Variants in PRKN observed in about 807,000 individuals in gnomAD.
The protein encoded by PRKN is E3 ubiquitin-protein ligase parkin.
A neutral mutation model predicts 59.5 loss-of-function variants in PRKN; 56 were observed. The ratio of observed to expected loss-of-function variants is 0.94; its 90% CI spans 0.76 to 1.18. The LOEUF (loss-of-function observed/expected upper bound fraction) is 1.18. Ranked by LOEUF, PRKN falls within the 50% of genes most tolerant of loss-of-function variation. The pLI, the probability that PRKN is intolerant of heterozygous loss-of-function variation, is 0.00. For missense variants in PRKN, 657 were observed against 596.4 expected, an observed-to-expected ratio of 1.10 and a Z score of -1.06; for synonymous variants, 250 against 222.1, an observed-to-expected ratio of 1.13 and a Z score of -1.12.
chr6:161,411,312 C>G (rs2115002805), intron 9 of PRKN, among the ~76,000 whole-genome samples: 1 of 152,264 alleles, frequency 6.6e-6, no homozygotes, highest in South Asian at 2.1e-4. Context: ...CTCACAAGAT[C>G]TGATGGTTTT....
At chr6:162,029,880 C>T (rs1783573335) in intron 5 of PRKN, among the ~76,000 whole-genome samples, 1 of 152,070 alleles carries the variant, frequency 6.6e-6, no homozygotes, top group Non-Finnish European at 1.5e-5. Context: ...GCTCTGTCAC[C>T]CAGGTGGGAG....
At chr6:162,478,406 G>A (rs964589262) in intron 1 of PRKN, among the ~76,000 whole-genome samples, 1 of 152,148 alleles carries the variant, frequency 6.6e-6, no homozygotes, top group Non-Finnish European at 1.5e-5. Context: ...TTCATTAAAC[G>A]CACAGGAAGA....
At chr6:161,915,094 G>C (rs936989617) in intron 6 of PRKN, among the ~76,000 whole-genome samples, 1 of 152,098 alleles carries the variant, frequency 6.6e-6, no homozygotes, top group Non-Finnish European at 1.5e-5. Flanking sequence ...AGACCAGCCT[G>C]GCCAACATGG....
intron 2 of PRKN, among the ~76,000 whole-genome samples, chr6:162,437,101 A>G (rs1027835913): frequency 1.5e-5 from 2 of 135,202 alleles, no homozygotes; most frequent in Admixed American, 7.2e-5. Context: ...CAAAAAAAAT[A>G]AATAAATAAA....
At chr6:162,278,102 T>C (rs1342877272) in intron 2 of PRKN, among the ~76,000 whole-genome samples, 2 of 152,128 alleles carry the variant, frequency 1.3e-5, no homozygotes, top group Admixed American at 6.5e-5. Flanking sequence ...AGAAATGAAG[T>C]ATCAAGCCAG....
At position 161,386,657 on chromosome 6, in the gene PRKN, C is replaced by T; in HGVS notation, c.1167+137G>A. 3 of 762,240 alleles carry T rather than the reference C, an allele frequency of 3.9e-6. No homozygotes were observed. The highest frequency in any genetic ancestry group is 2.9e-5 in the South Asian group (2 of 69,010). The allele number at this position is 762,240 out of a possible 1,614,324, so 47.2% of individuals were successfully genotyped here. On this transcript the variant is annotated intron_variant, in intron 10 of 11. Transcript: ENST00000366898. This position sits in a 1 kb window ranked among gnomAD's most constrained non-coding sequence, Gnocchi z 4.3. ...GAGTCATTCTGGGAGAAGCCACGGC[C>T]CCATTCCCATGGCTGTCAGCTACCA...
At chr6:161,815,975 G>A (rs1235628714) in intron 6 of PRKN, among the ~76,000 whole-genome samples, 1 of 152,186 alleles carries the variant, frequency 6.6e-6, no homozygotes, top group African/African-American at 2.4e-5. Flanking sequence ...TATCTAACAG[G>A]AGATCCAGCC....
intron 1 of PRKN, among the ~76,000 whole-genome samples, chr6:162,447,996 T>C (rs1324240934): frequency 1.3e-5 from 2 of 152,108 alleles, no homozygotes; most frequent in Non-Finnish European, 2.9e-5. Context: ...GCAAATAACA[T>C]CATGTGATGC....
intron 6 of PRKN, among the ~76,000 whole-genome samples, chr6:161,945,012 T>A (rs1208964062): frequency 6.6e-6 from 1 of 152,190 alleles, no homozygotes; most frequent in Non-Finnish European, 1.5e-5. Context: ...TGAGGAAGAT[T>A]AAATTTGTCA....
At chr6:161,919,895 C>T (rs113875704) in intron 6 of PRKN, among the ~76,000 whole-genome samples, 42 of 152,276 alleles carry the variant, frequency 2.8e-4, no homozygotes, top group African/African-American at 9.6e-4. Context: ...AGTAAGCATA[C>T]GTTTTTAATT....
chr6:162,434,518 A>T (rs1789683355), intron 2 of PRKN, among the ~76,000 whole-genome samples: 1 of 151,822 alleles, frequency 6.6e-6, no homozygotes, highest in Non-Finnish European at 1.5e-5. Flanking sequence ...TTTGAAAAAA[A>T]AAGTTAACAC....
chr6:161,604,270 G>C (rs929519103), intron 7 of PRKN, among the ~76,000 whole-genome samples: 33 of 152,224 alleles, frequency 2.2e-4, no homozygotes, highest in Admixed American at 9.8e-4. Flanking sequence ...ATTAAAAAAA[G>C]CACCTTCAAA....
intron 2 of PRKN, among the ~76,000 whole-genome samples, chr6:162,378,485 AG>A (rs1786248136): frequency 6.6e-6 from 1 of 152,254 alleles, no homozygotes; most frequent in Non-Finnish European, 1.5e-5. Context: ...CTATGTAAGA[AG>A]AGCAACGTCA....
At position 162,501,651 on chromosome 6, in the gene PRKN, C is replaced by T. The variant is rs141241623; in HGVS notation, c.8-58178G>A. 5.2e-3 allele frequency among the ~76,000 whole-genome samples: 792 copies of T among 152,016 alleles called. 7 individuals carry two copies. Among genetic ancestry groups the T allele is most frequent in the African/African-American group, 0.018 (767 of 41,464 alleles). On this transcript the variant is annotated intron_variant, in intron 1 of 11. Transcript: ENST00000366898. Reference sequence around the variant, plus strand: ...GATTACAGGTGTGAGCCACCGCGCCCGGCCATGCTCCTAAAACTCTAACCT... The same window carrying T: ...GATTACAGGTGTGAGCCACCGCGCCTGGCCATGCTCCTAAAACTCTAACCT...
chr6:162,126,331 G>A (rs916389151), intron 4 of PRKN, among the ~76,000 whole-genome samples: 2 of 152,150 alleles, frequency 1.3e-5, no homozygotes, highest in Non-Finnish European at 2.9e-5. Context: ...AATAGATGAT[G>A]CATTAATATA....
rs919824599 is a variant in PRKN, at chr6:161,359,404, C to T, written c.1285+684G>A. ...GCTCTGGGCAACCTGCCAGCCAGGG[C>T]GTAGCTGATGCTCATTAAGGAGAAG... is the stretch of plus-strand genomic sequence containing the variant. On this transcript the variant is annotated intron_variant, in intron 11 of 11. Coordinates refer to ENST00000366898, the MANE Select transcript of PRKN (RefSeq NM_004562.3). The surrounding 1 kb of genome is among the most constrained non-coding windows in gnomAD (Gnocchi z 5.4). Among the ~76,000 whole-genome samples the T allele has an allele frequency of 1.3e-5, 2 of 152,236 alleles. No homozygotes were observed. Among genetic ancestry groups the T allele is most frequent in the African/African-American group, 4.8e-5 (2 of 41,460 alleles).
intron 6 of PRKN, among the ~76,000 whole-genome samples, chr6:161,863,020 AAGAAGAATCAAGCTGCTTTTGT>A (rs1793969923): frequency 6.6e-6 from 1 of 152,222 alleles, no homozygotes; most frequent in Non-Finnish European, 1.5e-5. Flanking sequence ...CATAAAGATC[AAGAAGAATCAAGCTGCTTTTGT>A]GTTCATATGA....
chr6:162,012,481 T>G (rs886181474), intron 5 of PRKN, among the ~76,000 whole-genome samples: 2 of 152,124 alleles, frequency 1.3e-5, no homozygotes, highest in African/African-American at 4.8e-5. Flanking sequence ...CTAAACCATT[T>G]GAAAGTAACT....
At chr6:161,558,931 T>C (rs779878111) in intron 8 of PRKN, among the ~76,000 whole-genome samples, 1 of 151,850 alleles carries the variant, frequency 6.6e-6, no homozygotes, top group Non-Finnish European at 1.5e-5. Flanking sequence ...TCCCTGAACA[T>C]CTGTCAGCTA....
Sources: allele counts gnomAD v4.1 joint callset (sites outside exome capture counted in the v4.1 genomes callset), GRCh38; gene constraint gnomAD v4.1.1; non-coding constraint Gnocchi (gnomAD v3.1); transcripts MANE v1.5; gene names NCBI Gene and HGNC (gene_info 2026-07-23, HGNC 2026-07-21).